Variants in KCNAB1 observed in about 807,000 individuals in gnomAD.
KCNAB1 encodes the protein potassium voltage-gated channel subfamily A regulatory beta subunit 1, also known as voltage-gated potassium channel subunit beta-1.
Under a neutral mutation model 64.6 loss-of-function variants are expected in KCNAB1, and 35 were observed. The ratio of observed to expected loss-of-function variants is 0.54; its 90% CI spans 0.41 to 0.72. The LOEUF (loss-of-function observed/expected upper bound fraction) is 0.72, where lower values mean the gene tolerates loss of function less well. KCNAB1 is among the 30% of genes least tolerant of loss of function. The pLI, the probability that KCNAB1 is intolerant of heterozygous loss-of-function variation, is 0.00. For missense variants in KCNAB1, 401 were observed against 512.9 expected, an observed-to-expected ratio of 0.78 and a Z score of 2.11; for synonymous variants, 177 against 183.8, an observed-to-expected ratio of 0.96 and a Z score of 0.30.
At chr3:156,198,615 GCTT>G (rs777869846) in intron 1 of KCNAB1, among the ~76,000 whole-genome samples, 29 of 92,312 alleles carry the variant, frequency 3.1e-4, no homozygotes, top group Non-Finnish European at 4.5e-4. Flanking sequence ...TGCAAACCCT[GCTT>G]TTTTTTTTTT....
intron 1 of KCNAB1, among the ~76,000 whole-genome samples, chr3:156,274,794 T>G (rs1441718221): frequency 6.6e-6 from 1 of 152,226 alleles, no homozygotes; most frequent in African/African-American, 2.4e-5. Context: ...GCATACATTG[T>G]GAAATAATCA....
chr3:156,249,216 G>C (rs1717659062), intron 1 of KCNAB1, among the ~76,000 whole-genome samples: 1 of 152,090 alleles, frequency 6.6e-6, no homozygotes, highest in Middle Eastern at 3.2e-3. Context: ...ACTTTGACCA[G>C]AGACCTGGAA....
chr3:156,464,461 A>G (rs1031979562), intron 6 of KCNAB1, among the ~76,000 whole-genome samples: 5 of 138,210 alleles, frequency 3.6e-5, no homozygotes, highest in Non-Finnish European at 6.1e-5. Context: ...GTGCTTTTCC[A>G]TCTTTGAGAC....
intron 1 of KCNAB1, among the ~76,000 whole-genome samples, chr3:156,309,763 T>G (rs9874261): frequency 6.6e-6 from 1 of 152,070 alleles, no homozygotes; most frequent in African/African-American, 2.4e-5. Context: ...TGGCAGTCCT[T>G]GGTCCTGCTG....
intron 1 of KCNAB1, among the ~76,000 whole-genome samples, chr3:156,299,769 A>G (rs1721033007): frequency 6.6e-6 from 1 of 152,138 alleles, no homozygotes. Flanking sequence ...GCATTCACAC[A>G]GGCCATCTGG....
At chr3:156,166,785 A>G (rs1711599383) in intron 1 of KCNAB1, among the ~76,000 whole-genome samples, 1 of 152,190 alleles carries the variant, frequency 6.6e-6, no homozygotes, top group African/African-American at 2.4e-5. Context: ...TTGGTCAACA[A>G]TTTTATGATA....
intron 1 of KCNAB1, among the ~76,000 whole-genome samples, chr3:156,194,312 C>T (rs1214627116): frequency 6.6e-6 from 1 of 151,774 alleles, no homozygotes; most frequent in Non-Finnish European, 1.5e-5. Context: ...TAGCTGAAAA[C>T]TTTTTGATAC....
chr3:156,470,180 T>G lies in KCNAB1; in HGVS notation c.571+4494T>G, dbSNP rs79016119. 5.2e-3 allele frequency among the ~76,000 whole-genome samples: 786 copies of G among 152,352 alleles called. 2 individuals are homozygous for G. Among genetic ancestry groups the G allele is most frequent in the Non-Finnish European group, 8.5e-3 (577 of 68,020 alleles). ...CCAAAGTTCTTGACTTAGATCTGCT[T>G]AGGTGTAATGTTCTCCTTAGATTCA... On this transcript the variant is annotated intron_variant, in intron 7 of 13. Transcript: ENST00000490337.
At chr3:156,392,838 T>C (rs1336582008) in intron 1 of KCNAB1, among the ~76,000 whole-genome samples, 2 of 152,218 alleles carry the variant, frequency 1.3e-5, no homozygotes, top group South Asian at 2.1e-4. Context: ...CTTTTCACAT[T>C]TTGCTGAACT....
intron 1 of KCNAB1, among the ~76,000 whole-genome samples, chr3:156,209,725 A>G (rs1714896211): frequency 6.6e-6 from 1 of 152,214 alleles, no homozygotes; most frequent in African/African-American, 2.4e-5. Context: ...GCTGACAAAC[A>G]TGCTCAATAT....
intron 1 of KCNAB1, among the ~76,000 whole-genome samples, chr3:156,217,769 T>A (rs947571861): frequency 1.1e-4 from 17 of 152,192 alleles, no homozygotes; most frequent in Admixed American, 3.3e-4. Flanking sequence ...AACAAGCTGG[T>A]CATAATGTCC....
chr3:156,399,940 C>A (rs1246965783), intron 1 of KCNAB1, among the ~76,000 whole-genome samples: 1 of 152,154 alleles, frequency 6.6e-6, no homozygotes, highest in Admixed American at 6.5e-5. Flanking sequence ...CAGTTACCAG[C>A]ATTCTTGGTT....
intron 1 of KCNAB1, among the ~76,000 whole-genome samples, chr3:156,403,804 G>A (rs573358985): frequency 4.6e-5 from 7 of 152,042 alleles, no homozygotes; most frequent in African/African-American, 9.6e-5. Context: ...TGAGGCAGGA[G>A]AATCGCTTGA....
chr3:156,313,403 G>A (rs998958965), intron 1 of KCNAB1, among the ~76,000 whole-genome samples: 6 of 152,146 alleles, frequency 3.9e-5, no homozygotes, highest in South Asian at 2.1e-4. Context: ...ATCTTGAGAC[G>A]GGAGATTATC....
chr3:156,207,004 G>T (rs912842743), intron 1 of KCNAB1, among the ~76,000 whole-genome samples: 1 of 152,212 alleles, frequency 6.6e-6, no homozygotes, highest in African/African-American at 2.4e-5. Flanking sequence ...GAAATTGAGG[G>T]ACTGTAAATT....
In KCNAB1 at chr3:156,172,289, T is replaced by G. The variant is rs542024854; in HGVS notation, c.275+51403T>G. Among the ~76,000 whole-genome samples, 309 of 151,946 alleles carry G rather than the reference T, an allele frequency of 2.0e-3. 3 individuals are homozygous for G. Among genetic ancestry groups the G allele is most frequent in the African/African-American group, 7.0e-3 (292 of 41,466 alleles). On this transcript the variant is annotated intron_variant, in intron 1 of 13. Transcript: ENST00000490337. ...TCTGCATAATTCAAATGGCTTTTTT[T>G]TTTTTTTGGAGACAGAGTCTTGCTT...
intron 1 of KCNAB1, among the ~76,000 whole-genome samples, chr3:156,234,487 C>T (rs1057048499): frequency 3.3e-5 from 5 of 151,972 alleles, no homozygotes; most frequent in Non-Finnish European, 5.9e-5. Context: ...AAATGGGCAC[C>T]CATTTCTACG....
intron 1 of KCNAB1, among the ~76,000 whole-genome samples, chr3:156,372,160 C>A (rs998452437): frequency 1.3e-5 from 2 of 152,124 alleles, no homozygotes; most frequent in African/African-American, 2.4e-5. Flanking sequence ...ATACAACATA[C>A]TGTGCAACAC....
chr3:156,204,843 TAAC>T (rs914538234), intron 1 of KCNAB1, among the ~76,000 whole-genome samples: 2 of 149,710 alleles, frequency 1.3e-5, no homozygotes, highest in African/African-American at 2.5e-5. Flanking sequence ...ACAACAACAA[TAAC>T]AACAACAACA....
Sources: gnomAD v4.1 joint callset for allele counts (sites outside exome capture counted in the v4.1 genomes callset) on GRCh38, gnomAD v4.1.1 for gene constraint, MANE v1.5 for transcripts, NCBI Gene and HGNC (gene_info 2026-07-23, HGNC 2026-07-21) for gene names.